Variants in NKTR observed in about 807,000 individuals in gnomAD.
The protein encoded by NKTR is NK-tumor recognition protein.
In NKTR, 67 loss-of-function variants were observed where a neutral mutation model predicts 156.3. That is an observed-to-expected ratio of 0.43 (90% CI 0.35 to 0.53). NKTR has a LOEUF of 0.53. NKTR is among the 20% of genes least tolerant of loss of function. The probability of loss-of-function intolerance (pLI) is 0.01; values close to 1 mark genes in which losing one functional copy is unlikely to be tolerated. For synonymous variants in NKTR, 640 were observed against 596.6 expected (o/e 1.07, Z -1.06); for missense variants, 1,604 against 1,730.9 (o/e 0.93, Z 1.30).
At chr3:42,617,399 G>A (rs538440448) in intron 2 of NKTR, among the ~76,000 whole-genome samples, 171 bp from the exon 3 acceptor site, 1 of 152,176 alleles carries the variant, frequency 6.6e-6, no homozygotes, top group African/African-American at 2.4e-5. Context: ...ATAAAATGGT[G>A]TTCTTGTTCA....
At chr3:42,609,581 A>G (rs754501754) in intron 2 of NKTR, among the ~76,000 whole-genome samples, 1 of 152,212 alleles carries the variant, frequency 6.6e-6, no homozygotes, top group Non-Finnish European at 1.5e-5. Flanking sequence ...CATTTTGTCA[A>G]GTTCCCTCAG....
In NKTR at chr3:42,632,807, G is replaced by A; in HGVS notation, c.757G>A (p.Ala253Thr). 3.1e-6 allele frequency: 5 copies of A among 1,597,202 alleles called. 1 individual carries two copies. The South Asian group carries it at 5.7e-5, about 18-fold the overall frequency. Residue 253 changes from alanine to threonine, a missense_variant, in exon 9 of 17, where the codon GCA becomes ACA. Ala to Thr is a moderately conservative substitution (Grantham distance 58, BLOSUM62 0). Transcript: ENST00000232978. ...SSSEEPRNKHAMNPKGHSERS... is the reference protein window; with the variant it reads ...SSSEEPRNKHTMNPKGHSERS... ...TTCAGAAGAGCCAAGGAATAAACAT[G>A]CAATGAACCCAAAAGGGTACGTGTA...
chr3:42,641,656 G>C (rs982514562), intron 13 of NKTR, among the ~76,000 whole-genome samples: 4 of 152,160 alleles, frequency 2.6e-5, no homozygotes, highest in African/African-American at 9.7e-5. Context: ...GAGGTGGGCA[G>C]ATCACAAGGT....
chr3:42,631,240 C>G lies in NKTR; in HGVS notation c.474C>G (p.Thr158=), dbSNP rs201863592. Residue 158 remains threonine (T), a synonymous_variant, in exon 8 of 17, where the codon ACC becomes ACG. Transcript: ENST00000232978. ...TCGAACAAATTGAAAATCTGAAGAC[C>G]GATGCTGCAAGCAGACCATATGCAG... The part of the protein sequence containing the change: ...EVIEQIENLK[T]DAASRPYADV... The G allele has an allele frequency of 1.2e-6, 2 of 1,613,972 alleles. No homozygotes were observed. The highest frequency in any genetic ancestry group is 1.7e-6 in the Non-Finnish European group (2 of 1,179,966).
Position 42,619,109 on chromosome 3 carries a change from G to A in NKTR, c.223G>A (p.Gly75Ser), listed in dbSNP as rs2125782533. ...TGTGGTTAAAAACTTTATGATTCAG[G>A]GTGGGGACTTCAGTGAAGGTAGAGC... ...HRVVKNFMIQ[G>S]GDFSEGNGKG... is the part of the protein sequence containing the mutation. The change falls in exon 4 of 17, where the codon GGT becomes AGT. Residue 75 changes from glycine to serine, a missense_variant. This residue lies in a region of NKTR where 4 missense variants were observed against 21.1 expected (regional missense o/e 0.19). Transcript: ENST00000232978. 6.2e-7 allele frequency: 1 copy of A among 1,606,740 alleles called. No homozygotes were observed. The highest frequency in any genetic ancestry group is 8.5e-7 in the Non-Finnish European group (1 of 1,177,052).
At chr3:42,619,201 T>C in intron 4 of NKTR, 74 bp downstream of exon 4, 1 of 1,561,252 alleles carries the variant, frequency 6.4e-7, no homozygotes, top group Non-Finnish European at 8.6e-7. Context: ...CTTTTAGTTC[T>C]AAATATTGTG....
At chr3:42,614,394 C>A in intron 2 of NKTR, among the ~76,000 whole-genome samples, 1 of 150,710 alleles carries the variant, frequency 6.6e-6, no homozygotes. Context: ...TTGCCATCAC[C>A]GAAAATATTT....
At position 42,646,748 on chromosome 3, in the gene NKTR, C is replaced by CT. The variant is rs1230002269; in HGVS notation, c.*776dup. 1 of 152,588 alleles carries CT rather than the reference C, an allele frequency of 6.6e-6. No homozygotes were observed. The highest frequency in any genetic ancestry group is 2.4e-5 in the African/African-American group (1 of 41,422). 9.5% of individuals were successfully genotyped at this position (152,588 alleles called of 1,614,324 possible). ...TGGTGCTTGGTAATTTTTGGTGCGT[C>CT]TTTAAGCATTACTCTTATATATCAT... On this transcript the variant is annotated 3_prime_UTR_variant, in exon 17 of 17. Transcript: ENST00000232978.
chr3:42,630,761 G>A (rs185098050), intron 7 of NKTR, 186 bp downstream of exon 7: 1 of 1,396,924 alleles, frequency 7.2e-7, no homozygotes, highest in Admixed American at 3.2e-5. Flanking sequence ...GTGACTGAAG[G>A]AGTCAATCTG....
chr3:42,629,313 T>C (rs1251999624), intron 6 of NKTR: 5 of 962,200 alleles, frequency 5.2e-6, no homozygotes, highest in Non-Finnish European at 6.2e-6. Flanking sequence ...GATTTTTGCT[T>C]TTAAAACTTA....
At chr3:42,613,385 T>C (rs1707031102) in intron 2 of NKTR, among the ~76,000 whole-genome samples, 1 of 152,192 alleles carries the variant, frequency 6.6e-6, no homozygotes, top group Non-Finnish European at 1.5e-5. Flanking sequence ...TTAATCTTCT[T>C]CCTAGATTTT....
intron 2 of NKTR, 74 bp downstream of exon 2, chr3:42,601,138 A>T: frequency 7.9e-7 from 1 of 1,266,982 alleles, no homozygotes; most frequent in South Asian, 1.4e-5. Flanking sequence ...ACCCTCAGCA[A>T]CCCTCCCCCG....
At chr3:42,604,166 G>C (rs760227812) in intron 2 of NKTR, among the ~76,000 whole-genome samples, 1 of 152,046 alleles carries the variant, frequency 6.6e-6, no homozygotes, top group Non-Finnish European at 1.5e-5. Context: ...TCCTGATATT[G>C]ATAATTCTTC....
intron 14 of NKTR, among the ~76,000 whole-genome samples, chr3:42,643,116 T>C (rs1710036449): frequency 6.6e-6 from 1 of 152,194 alleles, no homozygotes; most frequent in Non-Finnish European, 1.5e-5. Context: ...GCCTCCCTAG[T>C]GACTATATGC....
rs796657249 is a variant in NKTR at position 42,647,303 on chromosome 3, G to GTGGT, written c.*1329_*1330insGGTT. The GTGGT allele has an allele frequency of 0.022, 2,265 of 101,016 alleles. 96 individuals carry two copies. Among genetic ancestry groups the GTGGT allele is most frequent in the African/African-American group, 0.076 (1,953 of 25,826 alleles). 6.3% of individuals were successfully genotyped at this position (101,016 alleles called of 1,614,324 possible). The stretch of plus-strand genomic sequence containing the variant: ...GTGTGTGTGTGTGTGTGTGTGTGTG[G>GTGGT]TTTTTTTTTTTAATCTTTACTTTGA... On this transcript the variant is annotated 3_prime_UTR_variant, in exon 17 of 17. Transcript: ENST00000232978.
intron 2 of NKTR, among the ~76,000 whole-genome samples, chr3:42,607,238 C>T (rs1318270091): frequency 2.0e-5 from 3 of 151,972 alleles, no homozygotes; most frequent in African/African-American, 4.8e-5. Flanking sequence ...TGGGTGCGTG[C>T]GGCTCTTAAC....
At chr3:42,613,055 G>A (rs1468687877) in intron 2 of NKTR, among the ~76,000 whole-genome samples, 2 of 152,098 alleles carry the variant, frequency 1.3e-5, no homozygotes, top group African/African-American at 2.4e-5. Context: ...AACTGTACCA[G>A]GCACTACGTA....
Position 42,647,922 on chromosome 3 carries a change from T to C in NKTR, c.*1947T>C, listed in dbSNP as rs894766527. 1 of 152,204 alleles carries C rather than the reference T, an allele frequency of 6.6e-6. No individual in the cohort carries two copies. Among genetic ancestry groups the C allele is most frequent in the Non-Finnish European group, 1.5e-5 (1 of 68,050 alleles). The allele number at this position is 152,204 out of a possible 1,614,324, so 9.4% of individuals were successfully genotyped here. A position where few individuals can be genotyped will look rare whatever the true frequency, so the allele number is the denominator to read the frequency against. ...GTGGCTGGATTCTCTGCTCAGGGTC[T>C]TAAAGGCTGAAATAAGGGTTGGCAG... On this transcript the variant is annotated 3_prime_UTR_variant, in exon 17 of 17. Coordinates refer to ENST00000232978, the MANE Select transcript of NKTR (RefSeq NM_005385.4).
intron 16 of NKTR, 23 bp from the exon 17 acceptor site, chr3:42,645,865 T>C (rs1256743629): frequency 3.3e-6 from 5 of 1,524,380 alleles, no homozygotes; most frequent in Non-Finnish European, 4.5e-6. Context: ...AAGATTTTTA[T>C]ATATTTTGTT....
Sources: allele counts gnomAD v4.1 joint callset (sites outside exome capture counted in the v4.1 genomes callset), GRCh38; gene constraint gnomAD v4.1.1; regional missense constraint gnomAD v4.1.1; transcripts MANE v1.5; gene names NCBI Gene and HGNC (gene_info 2026-07-23, HGNC 2026-07-21).